The following LPP variants were observed in gnomAD, a reference collection of about 807,000 sequenced individuals.
LPP encodes lipoma-preferred partner.
In LPP, 38 loss-of-function variants were observed where a neutral mutation model predicts 60.4. The observed-to-expected ratio is 0.63, with a 90% CI of 0.49 to 0.83. LPP has a LOEUF of 0.83. LPP is among the 40% of genes least tolerant of loss of function. The probability of loss-of-function intolerance (pLI) is 0.00; values close to 1 mark genes in which losing one functional copy is unlikely to be tolerated. For synonymous variants in LPP, 328 were observed against 290.8 expected (o/e 1.13, Z -1.30); for missense variants, 902 against 783.6 (o/e 1.15, Z -1.80).
chr3:188,643,875 A>C (rs1850644094), intron 7 of LPP, among the ~76,000 whole-genome samples: 2 of 152,216 alleles, frequency 1.3e-5, no homozygotes, highest in African/African-American at 4.8e-5. Context: ...CACAAGGTAG[A>C]AAATAGTACC....
At chr3:188,446,581 C>A (rs188508611) in intron 4 of LPP, among the ~76,000 whole-genome samples, 39 of 152,312 alleles carry the variant, frequency 2.6e-4, no homozygotes, top group East Asian at 2.1e-3. Flanking sequence ...TTTCTAAACT[C>A]ATTTCCCCAA....
At chr3:188,569,329 A>T (rs1373772136) in intron 6 of LPP, among the ~76,000 whole-genome samples, 1 of 151,786 alleles carries the variant, frequency 6.6e-6, no homozygotes, top group African/African-American at 2.4e-5. Context: ...TTGAGGAAAA[A>T]ATGAGAAGCA....
At chr3:188,588,147 G>A (rs1170321810) in intron 6 of LPP, among the ~76,000 whole-genome samples, 3 of 152,154 alleles carry the variant, frequency 2.0e-5, no homozygotes, top group Admixed American at 6.5e-5. Flanking sequence ...ATGGAATAGC[G>A]TATACAGCTC....
At chr3:188,663,132 G>A (rs1056115444) in intron 7 of LPP, among the ~76,000 whole-genome samples, 2 of 152,228 alleles carry the variant, frequency 1.3e-5, no homozygotes, top group Non-Finnish European at 2.9e-5. Flanking sequence ...ATGAACTGTG[G>A]GGGCTGGGAT....
intron 8 of LPP, among the ~76,000 whole-genome samples, chr3:188,741,030 C>A (rs116169307): frequency 9.2e-4 from 140 of 152,024 alleles, no homozygotes; most frequent in African/African-American, 3.3e-3. Flanking sequence ...TAAAAAGCAT[C>A]AGTGTGTTTC....
At chr3:188,730,970 A>G (rs534818384) in intron 8 of LPP, among the ~76,000 whole-genome samples, 25 of 152,238 alleles carry the variant, frequency 1.6e-4, no homozygotes, top group Admixed American at 1.4e-3. Flanking sequence ...TCCAATTGGT[A>G]AGGACCTACT....
chr3:188,294,573 G>A (rs889258198), intron 2 of LPP, among the ~76,000 whole-genome samples: 7 of 152,140 alleles, frequency 4.6e-5, no homozygotes, highest in African/African-American at 1.4e-4. Flanking sequence ...CTTCATGCAC[G>A]TTTTTTTCTC....
intron 8 of LPP, among the ~76,000 whole-genome samples, chr3:188,756,361 G>A (rs1466097311): frequency 6.6e-6 from 1 of 152,166 alleles, no homozygotes. Flanking sequence ...CTCAGCATTG[G>A]CAGCAAGCTC....
chr3:188,631,466 G>A (rs1030001360), intron 7 of LPP, among the ~76,000 whole-genome samples: 4 of 152,164 alleles, frequency 2.6e-5, no homozygotes, highest in Admixed American at 2.6e-4. Flanking sequence ...GAAAAATCAA[G>A]TCAGCCGTGC....
intron 4 of LPP, among the ~76,000 whole-genome samples, chr3:188,468,569 A>G (rs1801020738): frequency 6.6e-6 from 1 of 152,116 alleles, no homozygotes; most frequent in Non-Finnish European, 1.5e-5. Flanking sequence ...GTGTCAGTTA[A>G]GCCAAGGAAG....
intron 9 of LPP, among the ~76,000 whole-genome samples, chr3:188,837,172 G>A (rs978610855): frequency 6.6e-6 from 1 of 151,978 alleles, no homozygotes; most frequent in Non-Finnish European, 1.5e-5. Flanking sequence ...ACAAGGTCAG[G>A]AGTTCGAGAC....
intron 7 of LPP, among the ~76,000 whole-genome samples, chr3:188,683,759 T>C (rs1860047008): frequency 6.6e-6 from 1 of 152,206 alleles, no homozygotes; most frequent in African/African-American, 2.4e-5. Context: ...TACATTTGTG[T>C]TTGTATGTTT....
At chr3:188,342,172 G>A (rs564502964) in intron 3 of LPP, among the ~76,000 whole-genome samples, 114 of 152,166 alleles carry the variant, frequency 7.5e-4, no homozygotes, top group African/African-American at 2.7e-3. Context: ...TTTATGGCTG[G>A]GTCAGTCACT....
intron 9 of LPP, among the ~76,000 whole-genome samples, chr3:188,769,662 C>T (rs190964328): frequency 1.1e-3 from 175 of 152,228 alleles, no homozygotes; most frequent in African/African-American, 3.8e-3. Flanking sequence ...TGAGGTTATA[C>T]GATTTATTAA....
chr3:188,573,529 G>A lies in LPP; in HGVS notation c.430-35632G>A, dbSNP rs534575313. ...CTTAGCAGAGGGGCATTGTCCCAGC[G>A]TTTCGGTAGATACTTCCTCCTTTGA... On this transcript the variant is annotated intron_variant, in intron 6 of 11. Transcript: ENST00000617246. Among the ~76,000 whole-genome samples, 32 of 152,170 alleles carry A rather than the reference G, an allele frequency of 2.1e-4. 2 individuals carry two copies. The South Asian group carries it at 5.2e-3, about 25-fold the overall frequency.
intron 2 of LPP, among the ~76,000 whole-genome samples, chr3:188,237,519 T>G (rs1427082269): frequency 1.3e-5 from 2 of 152,236 alleles, no homozygotes; most frequent in Non-Finnish European, 2.9e-5. Flanking sequence ...ATAATCAGAC[T>G]TGAAAGTTGA....
At chr3:188,160,166 T>C (rs576152855) in intron 1 of LPP, among the ~76,000 whole-genome samples, 2 of 152,102 alleles carry the variant, frequency 1.3e-5, no homozygotes, top group African/African-American at 2.4e-5. Flanking sequence ...TGCCTTGGTC[T>C]CCCAAAGTGC....
chr3:188,322,258 T>C (rs780483184), intron 2 of LPP, among the ~76,000 whole-genome samples: 3 of 152,228 alleles, frequency 2.0e-5, no homozygotes, highest in Non-Finnish European at 4.4e-5. Context: ...TATTTTATTA[T>C]GCTTCATTGT....
At chr3:188,162,413 C>T (rs1428505448) in intron 1 of LPP, among the ~76,000 whole-genome samples, 1 of 152,098 alleles carries the variant, frequency 6.6e-6, no homozygotes, top group Non-Finnish European at 1.5e-5. Flanking sequence ...CCCTGCAAGC[C>T]CTTTACACAG....
Sources: gnomAD v4.1 joint callset for allele counts (sites outside exome capture counted in the v4.1 genomes callset) on GRCh38, gnomAD v4.1.1 for gene constraint, MANE v1.5 for transcripts, NCBI Gene and HGNC (gene_info 2026-07-23, HGNC 2026-07-21) for gene names.